The following COL12A1 variants were observed in gnomAD, a reference collection of about 807,000 sequenced individuals.
COL12A1 encodes the protein collagen type XII alpha 1 chain.
A neutral mutation model predicts 349.7 loss-of-function variants in COL12A1; 114 were observed. That is an observed-to-expected ratio of 0.33 (90% CI 0.28 to 0.38). The LOEUF is 0.38. Ranked by LOEUF, COL12A1 falls within the 10% of genes least tolerant of loss-of-function variation. The probability of loss-of-function intolerance (pLI) is 1.00; values close to 1 mark genes in which losing one functional copy is unlikely to be tolerated. For synonymous variants in COL12A1, 1,369 were observed against 1,329.0 expected, an observed-to-expected ratio of 1.03 and a Z score of -0.66; for missense variants, 3,284 against 3,756.9, an observed-to-expected ratio of 0.87 and a Z score of 3.29.
Position 75,117,307 on chromosome 6 carries a change from G to A in COL12A1, c.7519+75C>T. On this transcript the variant is annotated intron_variant, in intron 47 of 65. Transcript: ENST00000322507. ...TTATGCACAGACTTGATCCCACAAA[G>A]GATATAGAATTGTCTACTAAGTAAT... The A allele has an allele frequency of 2.7e-6, 4 of 1,455,662 alleles. No individual in the cohort carries two copies. The South Asian group carries it at 5.0e-5, about 18-fold the overall frequency. 90.2% of individuals were successfully genotyped at this position (1,455,662 alleles called of 1,614,324 possible).
chr6:75,108,770 A>T (rs1178202947), intron 52 of COL12A1, among the ~76,000 whole-genome samples: 1 of 152,222 alleles, frequency 6.6e-6, no homozygotes, highest in Non-Finnish European at 1.5e-5. Context: ...TTTCAAAATG[A>T]CTACATGGTG....
chr6:75,205,156 C>CT (rs1770717495), intron 1 of COL12A1, among the ~76,000 whole-genome samples: 1 of 151,084 alleles, frequency 6.6e-6, no homozygotes, highest in Admixed American at 6.6e-5. Context: ...GGAGAGGGGA[C>CT]TTTCTCCCGG....
intron 10 of COL12A1, among the ~76,000 whole-genome samples, chr6:75,181,438 T>C (rs946343452): frequency 2.0e-5 from 3 of 152,202 alleles, no homozygotes; most frequent in South Asian, 2.1e-4. Context: ...TCTATAATAC[T>C]AACTTCTATT....
chr6:75,121,793 AAT>A lies in COL12A1; in HGVS notation c.6947-354_6947-353del, dbSNP rs1356908261. 1.4e-4 allele frequency among the ~76,000 whole-genome samples: 21 copies of A among 152,364 alleles called. No homozygotes were observed. The East Asian group carries it at 3.7e-3, about 27-fold the overall frequency. ...GTTTTGAACAATAAATGAGAGGAGAAATCAAATAAAAAGTTTGGAGATTTGAA... is the reference window on the plus strand; with the variant it reads ...GTTTTGAACAATAAATGAGAGGAGAACAAATAAAAAGTTTGGAGATTTGAA... On this transcript the variant is annotated intron_variant, in intron 43 of 65. Transcript: ENST00000322507.
At chr6:75,158,794 T>G (rs944034969) in intron 14 of COL12A1, among the ~76,000 whole-genome samples, 1 of 151,952 alleles carries the variant, frequency 6.6e-6, no homozygotes, top group Admixed American at 6.6e-5. Context: ...AAATGATTAG[T>G]GAACTTGATG....
chr6:75,119,417 G>A lies in COL12A1; in HGVS notation c.7143C>T (p.Tyr2381=), dbSNP rs2149366759. The A allele has an allele frequency of 3.7e-6, 6 of 1,613,886 alleles. No homozygotes were observed. Among genetic ancestry groups the A allele is most frequent in the Non-Finnish European group, 5.1e-6 (6 of 1,179,862 alleles). ...EVKSEFKLNT[Y]NDKALALGAL... ...CCCCAAGGGCTAGGGCCTTGTCATT[G>A]TACGTGTTCAGCTTGAACTCAGACT... Residue 2381 remains tyrosine (Y), a synonymous_variant, in exon 45 of 66, where the codon TAC becomes TAT. Coordinates refer to ENST00000322507, the MANE Select transcript of COL12A1 (RefSeq NM_004370.6).
intron 12 of COL12A1, among the ~76,000 whole-genome samples, chr6:75,177,274 T>G (rs982097750): frequency 2.0e-5 from 3 of 152,000 alleles, no homozygotes; most frequent in East Asian, 3.9e-4. Context: ...CTCTTTCTAC[T>G]AAAAATACAA....
intron 46 of COL12A1, among the ~76,000 whole-genome samples, chr6:75,118,560 T>G (rs115178504): frequency 2.0e-3 from 306 of 152,314 alleles, no homozygotes; most frequent in African/African-American, 6.9e-3. Flanking sequence ...AGGCTCTCAG[T>G]ATATTTGATT....
intron 24 of COL12A1, 46 bp downstream of exon 24, chr6:75,146,056 T>A (rs1206520236): frequency 1.3e-6 from 2 of 1,529,726 alleles, no homozygotes; most frequent in East Asian, 4.6e-5. Flanking sequence ...TATAAAGCTA[T>A]AAAGTCTTGG....
At position 75,199,534 on chromosome 6, in the gene COL12A1, C is replaced by A. The variant is rs986557716; in HGVS notation, c.73+3186G>T. Among the ~76,000 whole-genome samples, 5 of 152,126 alleles carry A rather than the reference C, an allele frequency of 3.3e-5. No homozygotes were observed. The South Asian group carries it at 1.0e-3, about 32-fold the overall frequency. ...CTCTGTTTTTCAGAAAACTTGTATT[C>A]ATCTCTAATCCTAGATTAATTAGAA... On this transcript the variant is annotated intron_variant, in intron 2 of 65. Transcript: ENST00000322507.
chr6:75,154,127 T>C (rs888596564), intron 17 of COL12A1, among the ~76,000 whole-genome samples: 1 of 151,600 alleles, frequency 6.6e-6, no homozygotes, highest in Non-Finnish European at 1.5e-5. Flanking sequence ...ATTACATCAC[T>C]AATAATTATT....
chr6:75,143,041 T>C (rs1041569498), intron 26 of COL12A1, among the ~76,000 whole-genome samples: 11 of 152,228 alleles, frequency 7.2e-5, no homozygotes, highest in Non-Finnish European at 1.6e-4. Context: ...TTGAGATTAA[T>C]ATCACACAGC....
chr6:75,100,764 C>T (rs1224278041), intron 58 of COL12A1, among the ~76,000 whole-genome samples: 1 of 152,172 alleles, frequency 6.6e-6, no homozygotes, highest in Non-Finnish European at 1.5e-5. Context: ...TGTTTAGTGA[C>T]AGCTGTTATA....
chr6:75,129,144 G>A (rs1766172791), intron 37 of COL12A1, among the ~76,000 whole-genome samples: 1 of 152,194 alleles, frequency 6.6e-6, no homozygotes, highest in African/African-American at 2.4e-5. Flanking sequence ...TCCATGGCAA[G>A]GCTGAACAAA....
intron 44 of COL12A1, among the ~76,000 whole-genome samples, chr6:75,120,075 A>T (rs1194695686): frequency 6.6e-6 from 1 of 152,260 alleles, no homozygotes. Context: ...CTTACCTTCT[A>T]GGATTGTTTT....
rs113219236 is a variant in COL12A1 at position 75,144,134 on chromosome 6, C to A, written c.4691-746G>T. Among the ~76,000 whole-genome samples, 442 of 152,244 alleles carry A rather than the reference C, an allele frequency of 2.9e-3. 1 individual carries two copies. The highest frequency in any genetic ancestry group is 0.01 in the African/African-American group (429 of 41,544). On this transcript the variant is annotated intron_variant, in intron 25 of 65. Coordinates refer to ENST00000322507, the MANE Select transcript of COL12A1 (RefSeq NM_004370.6). ...TTCAACATTTTTATCTTGTGTATCT[C>A]TCTCTGCCCTCCATTCCTCTACTGT...
intron 47 of COL12A1, among the ~76,000 whole-genome samples, 196 bp from the exon 48 acceptor site, chr6:75,116,253 A>G (rs146194975): frequency 2.4e-4 from 37 of 152,298 alleles, no homozygotes; most frequent in African/African-American, 8.7e-4. Flanking sequence ...TAACCAGTGT[A>G]ACAAATATTT....
At chr6:75,186,710 A>G (rs1244710821) in intron 8 of COL12A1, among the ~76,000 whole-genome samples, 1 of 152,212 alleles carries the variant, frequency 6.6e-6, no homozygotes, top group East Asian at 1.9e-4. Flanking sequence ...AACACTTGGA[A>G]TTAACCTAAA....
intron 8 of COL12A1, among the ~76,000 whole-genome samples, chr6:75,186,119 G>T (rs1195110549): frequency 6.6e-6 from 1 of 152,142 alleles, no homozygotes; most frequent in Non-Finnish European, 1.5e-5. Flanking sequence ...TGACAAATGG[G>T]ATCTAATTAA....
Sources: allele counts gnomAD v4.1 joint callset (sites outside exome capture counted in the v4.1 genomes callset), GRCh38; gene constraint gnomAD v4.1.1; transcripts MANE v1.5; gene names NCBI Gene and HGNC (gene_info 2026-07-23, HGNC 2026-07-21).